Variants in SLC7A14 observed in about 807,000 individuals in gnomAD.
SLC7A14 encodes gamma-aminobutyric acid transporter SLC7A14.
In SLC7A14, 37 loss-of-function variants were observed where a neutral mutation model predicts 60.2. That is an observed-to-expected ratio of 0.61 (90% CI 0.47 to 0.81). The LOEUF (loss-of-function observed/expected upper bound fraction) is 0.81. Ranked by LOEUF, SLC7A14 falls within the 30% of genes least tolerant of loss-of-function variation. The pLI is 0.00. For missense variants in SLC7A14, 886 were observed against 982.7 expected, an observed-to-expected ratio of 0.90 and a Z score of 1.32; for synonymous variants, 399 against 395.8, an observed-to-expected ratio of 1.01 and a Z score of -0.10.
At chr3:170,468,158 C>A (rs1739774846) in intron 7 of SLC7A14, among the ~76,000 whole-genome samples, 1 of 152,166 alleles carries the variant, frequency 6.6e-6, no homozygotes, top group African/African-American at 2.4e-5. Context: ...TCCAGTGCAA[C>A]CTCTGTGTTG....
intron 1 of SLC7A14, among the ~76,000 whole-genome samples, chr3:170,531,420 T>C (rs1244928508): frequency 6.6e-6 from 1 of 151,964 alleles, no homozygotes; most frequent in Non-Finnish European, 1.5e-5. Context: ...AGTGATGGCT[T>C]CTATTTGCAC....
In SLC7A14 at chr3:170,530,855, C is replaced by T. The variant is rs564459454; in HGVS notation, c.-152-3767G>A. Among the ~76,000 whole-genome samples, 3 of 152,342 alleles carry T rather than the reference C, an allele frequency of 2.0e-5. No homozygotes were observed. The South Asian group carries it at 6.2e-4, about 32-fold the overall frequency. On this transcript the variant is annotated intron_variant, in intron 1 of 7. Coordinates refer to ENST00000231706, the MANE Select transcript of SLC7A14 (RefSeq NM_020949.3). The stretch of plus-strand genomic sequence containing the variant: ...GTCAGCCGGCTCCAGGAGAACCTCA[C>T]AAGCTGTGCGCTGCTGGAATCGAGG...
At position 170,483,447 on chromosome 3, in the gene SLC7A14, C is replaced by A; in HGVS notation, c.982G>T (p.Ala328Ser). 6.2e-7 allele frequency: 1 copy of A among 1,614,204 alleles called. No individual in the cohort carries two copies. Among genetic ancestry groups the A allele is most frequent in the Admixed American group, 1.7e-5 (1 of 60,016 alleles). Reference protein sequence around the residue: ...TESPLMEMFVAHGFYAAKFVV... With the variant: ...TESPLMEMFVSHGFYAAKFVV... ...AATTTGGCAGCATAGAACCCATGAG[C>A]CACAAACATCTCCATGAGTGGGGAT... The change falls in exon 6 of 8, where the codon GCT becomes TCT. Residue 328 changes from alanine (A) to serine (S), a missense_variant. By Grantham distance (99) the Ala-to-Ser change is moderately conservative. Transcript: ENST00000231706.
chr3:170,547,374 A>G (rs1378125968), intron 1 of SLC7A14, among the ~76,000 whole-genome samples: 1 of 152,208 alleles, frequency 6.6e-6, no homozygotes, highest in Admixed American at 6.5e-5. Flanking sequence ...ATCTGCATAT[A>G]ACTTTTGACT....
At position 170,479,272 on chromosome 3, in the gene SLC7A14, A is replaced by G. The variant is rs890845587; in HGVS notation, c.1993+1017T>C. 5.6e-4 allele frequency among the ~76,000 whole-genome samples: 85 copies of G among 152,284 alleles called. 1 individual carries two copies. The highest frequency in any genetic ancestry group is 1.5e-4 in the Non-Finnish European group (10 of 68,024). On this transcript the variant is annotated intron_variant, in intron 7 of 7. Coordinates refer to ENST00000231706, the MANE Select transcript of SLC7A14 (RefSeq NM_020949.3). ...TACTCTTCTATTCCCCAGAGCTTCT[A>G]AAGATCCTCTTTAGCTAAGAATTTG...
intron 2 of SLC7A14, among the ~76,000 whole-genome samples, chr3:170,521,354 G>A (rs1713334586): frequency 1.3e-5 from 2 of 152,370 alleles, no homozygotes; most frequent in South Asian, 4.1e-4. Flanking sequence ...AGATTGTGCT[G>A]TCCAAATAGT....
intron 7 of SLC7A14, among the ~76,000 whole-genome samples, chr3:170,473,453 G>A (rs1458182885): frequency 6.6e-6 from 1 of 152,172 alleles, no homozygotes; most frequent in African/African-American, 2.4e-5. Flanking sequence ...GAGAGAGGTG[G>A]GCCACCTGAC....
In SLC7A14 at chr3:170,526,894, A is replaced by G. The variant is rs746620603; in HGVS notation, c.43T>C (p.Trp15Arg). ...TGCATTGCATACCAGGCAGCTCCCCACTGCACCCGCCGGGGGTCCAGCGAG... is the reference window on the plus strand; with the variant it reads ...TGCATTGCATACCAGGCAGCTCCCCGCTGCACCCGCCGGGGGTCCAGCGAG... Reference protein sequence around the residue: ...FTSLDPRRVQWGAAWYAMHSR... With the variant: ...FTSLDPRRVQRGAAWYAMHSR... The change falls in exon 2 of 8, where the codon TGG becomes CGG. Residue 15 changes from tryptophan to arginine, a missense_variant. Trp to Arg is a moderately radical substitution (Grantham distance 101, BLOSUM62 -3). Transcript: ENST00000231706. The G allele has an allele frequency of 1.2e-6, 2 of 1,613,614 alleles. No individual in the cohort carries two copies. The highest frequency in any genetic ancestry group is 1.1e-5 in the South Asian group (1 of 91,006).
At position 170,465,954 on chromosome 3, in the gene SLC7A14, T is replaced by C. The variant is rs1275218102; in HGVS notation, c.*1101A>G. On this transcript the variant is annotated 3_prime_UTR_variant, in exon 8 of 8. Transcript: ENST00000231706. ...AAATAACAGGAAAAAAAAATACACCTCTGAAAGTGAGCTAGCCCCAAGGAA... is the reference window on the plus strand; with the variant it reads ...AAATAACAGGAAAAAAAAATACACCCCTGAAAGTGAGCTAGCCCCAAGGAA... 2 of 152,146 alleles carry C rather than the reference T, an allele frequency of 1.3e-5. No homozygotes were observed. The highest frequency in any genetic ancestry group is 4.8e-5 in the African/African-American group (2 of 41,434). 9.4% of individuals were successfully genotyped at this position (152,146 alleles called of 1,614,324 possible).
At chr3:170,569,675 C>T (rs541095772) in intron 1 of SLC7A14, among the ~76,000 whole-genome samples, 2 of 152,186 alleles carry the variant, frequency 1.3e-5, no homozygotes, top group African/African-American at 4.8e-5. Flanking sequence ...TTGATTATTG[C>T]CACAATTTCA....
rs770367901 is a variant in SLC7A14 at position 170,481,072 on chromosome 3, A to G, written c.1210T>C (p.Leu404=). 1.2e-6 allele frequency: 2 copies of G among 1,614,136 alleles called. No individual in the cohort carries two copies. The highest frequency in any genetic ancestry group is 8.5e-7 in the Non-Finnish European group (1 of 1,180,022). ...LAALLALLVS[L]RDLIEMMSIG... Reference sequence around the variant, plus strand: ...GACATCATCTCTATCAGGTCTCTCAAGCTGACCAACAGTGCGAGGAGCGCT... The same window carrying G: ...GACATCATCTCTATCAGGTCTCTCAGGCTGACCAACAGTGCGAGGAGCGCT... Residue 404 remains leucine, a synonymous_variant, in exon 7 of 8, where the codon TTG becomes CTG. Coordinates refer to ENST00000231706, the MANE Select transcript of SLC7A14 (RefSeq NM_020949.3).
intron 1 of SLC7A14, among the ~76,000 whole-genome samples, chr3:170,561,466 A>C (rs1177932857): frequency 2.0e-5 from 3 of 152,196 alleles, no homozygotes; most frequent in African/African-American, 7.2e-5. Flanking sequence ...GTTTAGACTA[A>C]TCTGTTGTGG....
At chr3:170,538,022 T>G (rs1468101116) in intron 1 of SLC7A14, among the ~76,000 whole-genome samples, 2 of 152,210 alleles carry the variant, frequency 1.3e-5, no homozygotes, top group East Asian at 3.8e-4. Context: ...AGATTTGGCC[T>G]CAATAGGAAT....
chr3:170,512,564 C>A (rs1713011962), intron 2 of SLC7A14, among the ~76,000 whole-genome samples: 1 of 151,448 alleles, frequency 6.6e-6, no homozygotes, highest in Non-Finnish European at 1.5e-5. Context: ...ACTTTTACCT[C>A]CTTCCTTCTC....
At chr3:170,551,641 C>T (rs1298227447) in intron 1 of SLC7A14, among the ~76,000 whole-genome samples, 1 of 152,176 alleles carries the variant, frequency 6.6e-6, no homozygotes, top group African/African-American at 2.4e-5. Context: ...TTTTATTTCC[C>T]TAATGACTAA....
chr3:170,521,942 G>A (rs1713352790), intron 2 of SLC7A14, among the ~76,000 whole-genome samples: 1 of 151,936 alleles, frequency 6.6e-6, no homozygotes, highest in Admixed American at 6.6e-5. Context: ...AAAAAGGTGG[G>A]GGGTGGGCAA....
At chr3:170,539,727 A>G (rs1305324746) in intron 1 of SLC7A14, among the ~76,000 whole-genome samples, 3 of 152,200 alleles carry the variant, frequency 2.0e-5, no homozygotes, top group Non-Finnish European at 4.4e-5. Flanking sequence ...ACAATATCAT[A>G]TAGTATTTTC....
chr3:170,497,576 G>T (rs985980378), intron 4 of SLC7A14, among the ~76,000 whole-genome samples: 1 of 152,212 alleles, frequency 6.6e-6, no homozygotes, highest in Admixed American at 6.5e-5. Context: ...TCAGTTCTAG[G>T]CAGACTTGCC....
chr3:170,506,774 T>C (rs1389906426), intron 2 of SLC7A14, among the ~76,000 whole-genome samples: 1 of 152,194 alleles, frequency 6.6e-6, no homozygotes, highest in African/African-American at 2.4e-5. Flanking sequence ...ATTGCCCTTT[T>C]AGAACCAGGA....
Sources: gnomAD v4.1 joint callset for allele counts (sites outside exome capture counted in the v4.1 genomes callset) on GRCh38, gnomAD v4.1.1 for gene constraint, MANE v1.5 for transcripts, NCBI Gene and HGNC (gene_info 2026-07-23, HGNC 2026-07-21) for gene names.